Variants in GNAT1 observed in about 807,000 individuals in gnomAD.
The protein encoded by GNAT1 is G protein subunit alpha transducin 1.
In GNAT1, 36 loss-of-function variants were observed where a neutral mutation model predicts 40.0. The observed-to-expected ratio is 0.90, with a 90% CI of 0.69 to 1.19. The LOEUF (loss-of-function observed/expected upper bound fraction) is 1.19, where lower values mean the gene tolerates loss of function less well. Among genes scored for constraint, GNAT1 ranks in the 50% most tolerant of loss-of-function variants. The pLI is 0.00. For synonymous variants in GNAT1, 195 were observed against 192.9 expected, an observed-to-expected ratio of 1.01 and a Z score of -0.09; for missense variants, 413 against 480.6, an observed-to-expected ratio of 0.86 and a Z score of 1.32.
Position 50,194,342 on chromosome 3 carries a change from T to G in GNAT1, c.708+121T>G. On this transcript the variant is annotated intron_variant, in intron 6 of 8. Coordinates refer to ENST00000232461, the MANE Select transcript of GNAT1 (RefSeq NM_144499.3). This position sits in a 1 kb window ranked among gnomAD's most constrained non-coding sequence, Gnocchi z 6.1. ...GAGGGGATGCCTGTCCCGGGCGGCC[T>G]GAGGAGGCCCGGAGGCGTTCAGCAG... The G allele has an allele frequency of 1.4e-6, 2 of 1,423,964 alleles. No individual in the cohort carries two copies. The highest frequency in any genetic ancestry group is 2.8e-5 in the African/African-American group (2 of 70,734). 88.2% of individuals were successfully genotyped at this position (1,423,964 alleles called of 1,614,324 possible). A position where few individuals can be genotyped will look rare whatever the true frequency, so the allele number is the denominator to read the frequency against.
At chr3:50,195,036 G>A in intron 8 of GNAT1, 80 bp downstream of exon 8, 2 of 1,045,698 alleles carry the variant, frequency 1.9e-6, no homozygotes, top group Non-Finnish European at 2.9e-6. Context: ...CGGCCCTGGA[G>A]CCTCACCCCC....
Position 50,193,894 on chromosome 3 carries a change from C to A in GNAT1, c.578+13C>A, listed in dbSNP as rs372773628. On this transcript the variant is annotated intron_variant, in intron 5 of 8. Coordinates refer to ENST00000232461, the MANE Select transcript of GNAT1 (RefSeq NM_144499.3). The surrounding 1 kb of genome is among the most constrained non-coding windows in gnomAD (Gnocchi z 8.1). The stretch of plus-strand genomic sequence containing the variant: ...ATCTCAACTTCCGGTACGACCCATA[C>A]GCTAGCCCAGGAGGTCACTGCCCCA... 4 of 1,613,252 alleles carry A rather than the reference C, an allele frequency of 2.5e-6. No individual in the cohort carries two copies. Among genetic ancestry groups the A allele is most frequent in the Admixed American group, 1.7e-5 (1 of 60,028 alleles).
Position 50,193,715 on chromosome 3 carries a change from C to G in GNAT1, c.450-38C>G. On this transcript the variant is annotated intron_variant, in intron 4 of 8. Coordinates refer to ENST00000232461, the MANE Select transcript of GNAT1 (RefSeq NM_144499.3). This position sits in a 1 kb window ranked among gnomAD's most constrained non-coding sequence, Gnocchi z 8.1. ...GGGGCGCGGGGCGCAGGGGGCCCTC[C>G]ACGCCTCCCCACCCACCTACGGCCG... 2 of 1,598,816 alleles carry G rather than the reference C, an allele frequency of 1.3e-6. No homozygotes were observed. The highest frequency in any genetic ancestry group is 8.5e-7 in the Non-Finnish European group (1 of 1,173,322).
rs1053185346 is a variant in GNAT1, at chr3:50,195,489, C to T, written c.*223C>T. On this transcript the variant is annotated 3_prime_UTR_variant, in exon 9 of 9. Transcript: ENST00000232461. ...CCCAACCCCAAGCCCTGCCCTTCAC[C>T]GCCCGGCTGCACTGGCCTCTAGGAC... 8 of 177,586 alleles carry T rather than the reference C, an allele frequency of 4.5e-5. No individual in the cohort carries two copies. Among genetic ancestry groups the T allele is most frequent in the East Asian group, 1.4e-4 (1 of 7,000 alleles). 11.0% of individuals were successfully genotyped at this position (177,586 alleles called of 1,614,324 possible).
Position 50,194,618 on chromosome 3 carries a change from A to G in GNAT1, c.826A>G (p.Lys276Glu), listed in dbSNP as rs1481950985. Residue 276 changes from lysine (K) to glutamate (E), a missense_variant, in exon 7 of 9, where the codon AAG becomes GAG. Lys to Glu is a moderately conservative substitution (Grantham distance 56, BLOSUM62 1). Coordinates refer to ENST00000232461, the MANE Select transcript of GNAT1 (RefSeq NM_144499.3). The surrounding 1 kb of genome is among the most constrained non-coding windows in gnomAD (Gnocchi z 6.1). ...KKDVFFEKIK[K>E]AHLSICFPDY... is the part of the protein sequence containing the mutation. ...GGACGTCTTCTTCGAGAAGATCAAG[A>G]AGGCGCACCTCAGCATCTGTTTCCC... is the stretch of plus-strand genomic sequence containing the variant. 4 of 1,613,516 alleles carry G rather than the reference A, an allele frequency of 2.5e-6. No individual in the cohort carries two copies. Among genetic ancestry groups the G allele is most frequent in the African/African-American group, 1.3e-5 (1 of 74,908 alleles).
Position 50,193,510 on chromosome 3 carries a change from A to C in GNAT1, c.296A>C (p.Asp99Ala), listed in dbSNP as rs766450007. 6.2e-7 allele frequency: 1 copy of C among 1,613,304 alleles called. No individual in the cohort carries two copies. Among genetic ancestry groups the C allele is most frequent in the East Asian group, 2.2e-5 (1 of 44,858 alleles). ...IQYGDSARQD[D>A]ARKLMHMADT... is the part of the protein sequence containing the mutation. ...CCACTCTCACCCTGCCCCCAGGACG[A>C]CGCCCGGAAGCTGATGCACATGGCA... The change falls in exon 4 of 9, where the codon GAC becomes GCC. Residue 99 changes from aspartate (D) to alanine (A), a missense_variant. Transcript: ENST00000232461. This position sits in a 1 kb window ranked among gnomAD's most constrained non-coding sequence, Gnocchi z 8.1.
chr3:50,191,767 G>T lies in GNAT1; in HGVS notation c.42G>T (p.Glu14Asp), dbSNP rs748389570. 1.1e-5 allele frequency: 17 copies of T among 1,614,020 alleles called. No individual in the cohort carries two copies. Among genetic ancestry groups the T allele is most frequent in the Non-Finnish European group, 1.4e-5 (17 of 1,179,864 alleles). Residue 14 changes from glutamate (E) to aspartate (D), a missense_variant, in exon 1 of 9, where the codon GAG (glutamate) becomes GAT (aspartate). Transcript: ENST00000232461. Reference sequence around the variant, plus strand: ...GTGCTGAGGAGAAGCACTCCAGGGAGCTGGAAAAGAAGCTGAAAGAGGACG... The same window carrying T: ...GTGCTGAGGAGAAGCACTCCAGGGATCTGGAAAAGAAGCTGAAAGAGGACG... ...GASAEEKHSR[E>D]LEKKLKEDAE...
At position 50,193,209 on chromosome 3, in the gene GNAT1, T is replaced by C. The variant is rs754812661; in HGVS notation, c.149+34T>C. On this transcript the variant is annotated intron_variant, in intron 2 of 8. Coordinates refer to ENST00000232461, the MANE Select transcript of GNAT1 (RefSeq NM_144499.3). The surrounding 1 kb of genome is among the most constrained non-coding windows in gnomAD (Gnocchi z 8.1). ...CCCTGCCTGTCCCGAGGCCCCTGGG[T>C]CTGGGTCCTTCCCCACTTCCCCACG... is the stretch of plus-strand genomic sequence containing the variant. The C allele has an allele frequency of 1.9e-6, 3 of 1,613,742 alleles. No individual in the cohort carries two copies. Among genetic ancestry groups the C allele is most frequent in the African/African-American group, 1.3e-5 (1 of 74,888 alleles).
At chr3:50,195,232 G>T (rs1240300116) in intron 8 of GNAT1, 36 bp from the exon 9 acceptor site, 3 of 523,504 alleles carry the variant, frequency 5.7e-6, no homozygotes, top group Admixed American at 6.4e-5. Context: ...ATTTATTTTG[G>T]GTCTCAGGGA....
Position 50,193,073 on chromosome 3 carries a change from C to A in GNAT1, c.107-60C>A. ...ACTCGGGAGGTCCCCGTCCTCCTGG[C>A]CTCCTTGCTGGAGGGGGCAGGCTGG... On this transcript the variant is annotated intron_variant, in intron 1 of 8. Coordinates refer to ENST00000232461, the MANE Select transcript of GNAT1 (RefSeq NM_144499.3). The surrounding 1 kb of genome is among the most constrained non-coding windows in gnomAD (Gnocchi z 8.1). 4 of 1,589,648 alleles carry A rather than the reference C, an allele frequency of 2.5e-6. No individual in the cohort carries two copies. The South Asian group carries it at 4.4e-5, about 18-fold the overall frequency.
chr3:50,197,672 A>G lies in GNAT1; in HGVS notation c.*2406A>G, dbSNP rs1045449569. Among the ~76,000 whole-genome samples the G allele has an allele frequency of 6.6e-6, 1 of 151,766 alleles. No homozygotes were observed. Among genetic ancestry groups the G allele is most frequent in the Non-Finnish European group, 1.5e-5 (1 of 67,994 alleles). Reference sequence around the variant, plus strand: ...TTTGGCTATTGTGAATAATGCTGCTATGAACATGGGTGTACAAATCTCTCT... The same window carrying G: ...TTTGGCTATTGTGAATAATGCTGCTGTGAACATGGGTGTACAAATCTCTCT... On this transcript the variant is annotated 3_prime_UTR_variant, in exon 9 of 9. Transcript: ENST00000232461.
Position 50,193,088 on chromosome 3 carries a change from G to A in GNAT1, c.107-45G>A. 6.2e-7 allele frequency: 1 copy of A among 1,609,024 alleles called. No homozygotes were observed. Among genetic ancestry groups the A allele is most frequent in the Non-Finnish European group, 8.5e-7 (1 of 1,176,946 alleles). On this transcript the variant is annotated intron_variant, in intron 1 of 8. Coordinates refer to ENST00000232461, the MANE Select transcript of GNAT1 (RefSeq NM_144499.3). This position sits in a 1 kb window ranked among gnomAD's most constrained non-coding sequence, Gnocchi z 8.1. ...GTCCTCCTGGCCTCCTTGCTGGAGG[G>A]GGCAGGCTGGTCAGCGCAGCTCTGA... is the stretch of plus-strand genomic sequence containing the variant.
In GNAT1 at chr3:50,194,472, G is replaced by T; in HGVS notation, c.709-29G>T. The T allele has an allele frequency of 6.2e-7, 1 of 1,610,864 alleles. No individual in the cohort carries two copies. Among genetic ancestry groups the T allele is most frequent in the Non-Finnish European group, 8.5e-7 (1 of 1,179,018 alleles). On this transcript the variant is annotated intron_variant, in intron 6 of 8. Transcript: ENST00000232461. This position sits in a 1 kb window ranked among gnomAD's most constrained non-coding sequence, Gnocchi z 6.1. Reference sequence around the variant, plus strand: ...GGTGCTGCGGGTCGGACGCTACCCCGGGTGCCCAACAGCTGCTGCCCTCCT... The same window carrying T: ...GGTGCTGCGGGTCGGACGCTACCCCTGGTGCCCAACAGCTGCTGCCCTCCT...
rs774834900 is a variant in GNAT1, at chr3:50,193,472, TG to T, written c.292-32del. On this transcript the variant is annotated intron_variant, in intron 3 of 8. Coordinates refer to ENST00000232461, the MANE Select transcript of GNAT1 (RefSeq NM_144499.3). This position sits in a 1 kb window ranked among gnomAD's most constrained non-coding sequence, Gnocchi z 8.1. The stretch of plus-strand genomic sequence containing the variant: ...AGGCTCGCGGCTGGGCCCGAGTCCC[TG>T]GCCGCCACCAGCCACTCTCACCCTG... 4.4e-6 allele frequency: 7 copies of T among 1,605,150 alleles called. No homozygotes were observed. Among genetic ancestry groups the T allele is most frequent in the Admixed American group, 3.4e-5 (2 of 58,808 alleles).
In GNAT1 at chr3:50,193,178, G is replaced by A. The variant is rs1481609578; in HGVS notation, c.149+3G>A. On this transcript the variant is annotated splice_donor_region_variant and intron_variant, in intron 2 of 8. Coordinates refer to ENST00000232461, the MANE Select transcript of GNAT1 (RefSeq NM_144499.3). The surrounding 1 kb of genome is among the most constrained non-coding windows in gnomAD (Gnocchi z 8.1). ...AGCACCATCGTCAAGCAGATGAAGT[G>A]AGTGCCCCTGCCTGTCCCGAGGCCC... is the stretch of plus-strand genomic sequence containing the variant. The A allele has an allele frequency of 2.5e-6, 4 of 1,613,918 alleles. No homozygotes were observed. Among genetic ancestry groups the A allele is most frequent in the Non-Finnish European group, 3.4e-6 (4 of 1,179,980 alleles).
Position 50,193,394 on chromosome 3 carries a change from C to T in GNAT1, c.279C>T (p.Asp93=). 1.9e-6 allele frequency: 3 copies of T among 1,614,050 alleles called. No individual in the cohort carries two copies. The highest frequency in any genetic ancestry group is 2.5e-6 in the Non-Finnish European group (3 of 1,180,030). The change falls in exon 3 of 9, where the codon GAC becomes GAT. Residue 93 remains aspartate (D), a synonymous_variant. Coordinates refer to ENST00000232461, the MANE Select transcript of GNAT1 (RefSeq NM_144499.3). The surrounding 1 kb of genome is among the most constrained non-coding windows in gnomAD (Gnocchi z 8.1). ...CCACACTCAACATCCAGTACGGAGACTCTGCACGCCAGGTGTGCCAGGAGG... is the reference window on the plus strand; with the variant it reads ...CCACACTCAACATCCAGTACGGAGATTCTGCACGCCAGGTGTGCCAGGAGG... ...AMTTLNIQYG[D]SARQDDARKL... is the part of the protein sequence containing the mutation.
In GNAT1 at chr3:50,193,389, G is replaced by A. The variant is rs747889085; in HGVS notation, c.274G>A (p.Gly92Arg). ...RAMTTLNIQY[G>R]DSARQDDARK... is the part of the protein sequence containing the mutation. Reference sequence around the variant, plus strand: ...CATGACCACACTCAACATCCAGTACGGAGACTCTGCACGCCAGGTGTGCCA... The same window carrying A: ...CATGACCACACTCAACATCCAGTACAGAGACTCTGCACGCCAGGTGTGCCA... Residue 92 changes from glycine (G) to arginine (R), a missense_variant, in exon 3 of 9, where the codon GGA (glycine) becomes AGA (arginine). Coordinates refer to ENST00000232461, the MANE Select transcript of GNAT1 (RefSeq NM_144499.3). This position sits in a 1 kb window ranked among gnomAD's most constrained non-coding sequence, Gnocchi z 8.1. 6.2e-7 allele frequency: 1 copy of A among 1,614,068 alleles called. No homozygotes were observed. The highest frequency in any genetic ancestry group is 8.5e-7 in the Non-Finnish European group (1 of 1,180,026).
In GNAT1 at chr3:50,197,038, G is replaced by T. The variant is rs1699513031; in HGVS notation, c.*1772G>T. On this transcript the variant is annotated 3_prime_UTR_variant, in exon 9 of 9. Transcript: ENST00000232461. ...GATGCCAAAAAATTTAGTAACCAAG[G>T]TAAATAATATTAGGATAATATTTTT... 6.6e-6 allele frequency among the ~76,000 whole-genome samples: 1 copy of T among 152,090 alleles called. No individual in the cohort carries two copies. The highest frequency in any genetic ancestry group is 2.1e-4 in the South Asian group (1 of 4,824).
Position 50,193,125 on chromosome 3 carries a change from T to G in GNAT1, c.107-8T>G, listed in dbSNP as rs1699439243. ...CAGCGCAGCTCTGAGGCGCCGCGTC[T>G]CTTTCAGGTGCCGGTGAGTCCGGGA... is the stretch of plus-strand genomic sequence containing the variant. On this transcript the variant is annotated splice_region_variant and splice_polypyrimidine_tract_variant and intron_variant, in intron 1 of 8. Coordinates refer to ENST00000232461, the MANE Select transcript of GNAT1 (RefSeq NM_144499.3). The surrounding 1 kb of genome is among the most constrained non-coding windows in gnomAD (Gnocchi z 8.1). The G allele has an allele frequency of 6.2e-7, 1 of 1,613,678 alleles. No individual in the cohort carries two copies. Among genetic ancestry groups the G allele is most frequent in the Admixed American group, 1.7e-5 (1 of 59,984 alleles).
Sources: gnomAD v4.1 joint callset for allele counts (sites outside exome capture counted in the v4.1 genomes callset) on GRCh38, gnomAD v4.1.1 for gene constraint, Gnocchi (gnomAD v3.1) non-coding constraint, MANE v1.5 for transcripts, NCBI Gene and HGNC (gene_info 2026-07-23, HGNC 2026-07-21) for gene names.